Variants in NXN observed in about 807,000 individuals in gnomAD.
NXN encodes nucleoredoxin.
Under a neutral mutation model 48.6 loss-of-function variants are expected in NXN, and 16 were observed. The ratio of observed to expected loss-of-function variants is 0.33; its 90% CI spans 0.22 to 0.50. The LOEUF is 0.50. NXN is among the 20% of genes least tolerant of loss of function. The pLI, the probability that NXN is intolerant of heterozygous loss-of-function variation, is 0.98. For missense variants in NXN, 492 were observed against 605.5 expected (o/e 0.81, Z 1.97); for synonymous variants, 281 against 269.6 (o/e 1.04, Z -0.41).
intron 1 of NXN, among the ~76,000 whole-genome samples, chr17:829,312 T>C (rs546477277): frequency 3.3e-5 from 5 of 151,908 alleles, no homozygotes; most frequent in Admixed American, 1.3e-4. Context: ...TGCACCACCT[T>C]GCCGGCTAAT....
At position 958,275 on chromosome 17, in the gene NXN, C is replaced by T. The variant is rs536964956; in HGVS notation, c.360+21044G>A. Among the ~76,000 whole-genome samples, 29 of 152,272 alleles carry T rather than the reference C, an allele frequency of 1.9e-4. No homozygotes were observed. The highest frequency in any genetic ancestry group is 6.0e-4 in the African/African-American group (25 of 41,544). On this transcript the variant is annotated intron_variant, in intron 1 of 7. Transcript: ENST00000336868. The surrounding 1 kb of genome is among the most constrained non-coding windows in gnomAD (Gnocchi z 6.9). The stretch of plus-strand genomic sequence containing the variant: ...GGTGCCTCTGCCCAACAAGACATGA[C>T]GGTGAGCAAGGTTACTCATCTTCCG...
At position 962,089 on chromosome 17, in the gene NXN, G is replaced by A. The variant is rs144005311; in HGVS notation, c.360+17230C>T. On this transcript the variant is annotated intron_variant, in intron 1 of 7. Transcript: ENST00000336868. ...GGTGGAGCTGCAGTGAGCCGAGATC[G>A]CGCCACTGCACTCCAGCCTGGGCAA... Among the ~76,000 whole-genome samples, 112 of 152,182 alleles carry A rather than the reference G, an allele frequency of 7.4e-4. 1 individual carries two copies. In the East Asian group the frequency reaches 0.02, roughly 27 times the overall value.
At chr17:803,661 A>T in intron 7 of NXN, 21 bp downstream of exon 7, 1 of 1,614,000 alleles carries the variant, frequency 6.2e-7, no homozygotes, top group Non-Finnish European at 8.5e-7. Flanking sequence ...GCCCTGGGCC[A>T]AGCCTCTCCT....
chr17:963,108 C>T (rs918462458), intron 1 of NXN, among the ~76,000 whole-genome samples: 2 of 151,656 alleles, frequency 1.3e-5, no homozygotes, highest in Non-Finnish European at 2.9e-5. Context: ...AGCCTCTACC[C>T]ACCTGAGACA....
chr17:820,928 A>C lies in NXN; in HGVS notation c.714-1383T>G, dbSNP rs530317814. 1.9e-4 allele frequency among the ~76,000 whole-genome samples: 13 copies of C among 68,632 alleles called. 5 individuals carry two copies. The East Asian group carries it at 4.7e-3, about 25-fold the overall frequency. The allele number at this position is 68,632 out of a possible 152,430, so 45.0% of individuals were successfully genotyped here. The stretch of plus-strand genomic sequence containing the variant: ...AACAGAGCGAGACTCCACCTAAAAA[A>C]AAAAAAAAAAACAAAAAAAAAAACT... On this transcript the variant is annotated intron_variant, in intron 4 of 7. Coordinates refer to ENST00000336868, the MANE Select transcript of NXN (RefSeq NM_022463.5).
chr17:810,062 CCTGTGAGTG>C (rs1911854255), intron 5 of NXN, among the ~76,000 whole-genome samples: 1 of 73,126 alleles, frequency 1.4e-5, no homozygotes, highest in Non-Finnish European at 2.7e-5. Context: ...GTTACGAGTC[CCTGTGAGTG>C]GCGTGCACGT....
chr17:955,213 G>A (rs1459018666), intron 1 of NXN, among the ~76,000 whole-genome samples: 1 of 149,250 alleles, frequency 6.7e-6, no homozygotes, highest in Non-Finnish European at 1.5e-5. Flanking sequence ...TGTCACCCAG[G>A]CTGGAGTGCA....
intron 1 of NXN, among the ~76,000 whole-genome samples, chr17:935,479 T>C (rs559114875): frequency 2.0e-5 from 3 of 152,232 alleles, no homozygotes; most frequent in Admixed American, 2.0e-4. Context: ...AGGAGATGCT[T>C]AAAGGTCTGG....
At chr17:890,566 G>C (rs2068405580) in intron 1 of NXN, among the ~76,000 whole-genome samples, 1 of 147,692 alleles carries the variant, frequency 6.8e-6, no homozygotes, top group Non-Finnish European at 1.5e-5. Flanking sequence ...TTTTTTAGTA[G>C]AGATGGGGTT....
rs981481694 is a variant in NXN at position 917,227 on chromosome 17, C to T, written c.360+62092G>A. ...CGCGACCTCGGCTCGCCGTGGCCTC[C>T]GCCTCGCGGGTTCAAGCGATTCTCC... On this transcript the variant is annotated intron_variant, in intron 1 of 7. Transcript: ENST00000336868. This position sits in a 1 kb window ranked among gnomAD's most constrained non-coding sequence, Gnocchi z 4.5. Among the ~76,000 whole-genome samples the T allele has an allele frequency of 5.9e-5, 9 of 152,106 alleles. No homozygotes were observed. Among genetic ancestry groups the T allele is most frequent in the Non-Finnish European group, 1.2e-4 (8 of 68,010 alleles).
At chr17:945,917 A>ACTGGGTTAGG (rs2069038218) in intron 1 of NXN, among the ~76,000 whole-genome samples, 1 of 143,554 alleles carries the variant, frequency 7.0e-6, no homozygotes, top group Non-Finnish European at 1.5e-5. Flanking sequence ...CTGCCAGCAA[A>ACTGGGTTAGG]CCACAGGCTG....
chr17:957,799 T>C (rs1597276245), intron 1 of NXN, among the ~76,000 whole-genome samples: 1 of 151,992 alleles, frequency 6.6e-6, no homozygotes, highest in South Asian at 2.1e-4. Flanking sequence ...GAACCCAGAC[T>C]CTCTTTCTCA....
rs552354458 is a variant in NXN, at chr17:858,600, C to A, written c.361-32522G>T. Among the ~76,000 whole-genome samples the A allele has an allele frequency of 2.6e-5, 4 of 151,996 alleles. No individual in the cohort carries two copies. The South Asian group carries it at 8.3e-4, about 32-fold the overall frequency. On this transcript the variant is annotated intron_variant, in intron 1 of 7. Transcript: ENST00000336868. The stretch of plus-strand genomic sequence containing the variant: ...AAAATTAGCCTGGCATGGTGGCGGG[C>A]GCCTGTAGTCCCAGCTGCTGGGGAG...
chr17:836,118 G>A (rs1913812284), intron 1 of NXN, among the ~76,000 whole-genome samples: 1 of 138,470 alleles, frequency 7.2e-6, no homozygotes, highest in African/African-American at 2.8e-5. Flanking sequence ...CCCCACAGAG[G>A]CCGCAGGGGA....
At position 932,241 on chromosome 17, in the gene NXN, T is replaced by C. The variant is rs2068862615; in HGVS notation, c.360+47078A>G. Among the ~76,000 whole-genome samples, 3 of 152,238 alleles carry C rather than the reference T, an allele frequency of 2.0e-5. No homozygotes were observed. The highest frequency in any genetic ancestry group is 1.5e-5 in the Non-Finnish European group (1 of 68,050). On this transcript the variant is annotated intron_variant, in intron 1 of 7. Transcript: ENST00000336868. This position sits in a 1 kb window ranked among gnomAD's most constrained non-coding sequence, Gnocchi z 4.1. ...AGCTGATCTGAAGAGTCTGTCTACC[T>C]GCCCAGCTACCAACCCAAACCGGCC...
intron 1 of NXN, among the ~76,000 whole-genome samples, chr17:937,740 T>C (rs2068922698): frequency 6.6e-6 from 1 of 152,164 alleles, no homozygotes; most frequent in African/African-American, 2.4e-5. Flanking sequence ...GGTCACGCTG[T>C]CACGGGGACG....
At chr17:973,146 G>A (rs566663348) in intron 1 of NXN, among the ~76,000 whole-genome samples, 10 of 152,284 alleles carry the variant, frequency 6.6e-5, no homozygotes, top group African/African-American at 2.4e-4. Flanking sequence ...AGCAAGAGCT[G>A]TGGACGGCTA....
At chr17:858,265 C>T (rs1449161884) in intron 1 of NXN, among the ~76,000 whole-genome samples, 2 of 152,100 alleles carry the variant, frequency 1.3e-5, no homozygotes, top group African/African-American at 2.4e-5. Flanking sequence ...GGGATCCACC[C>T]GCCTTGGCCT....
At chr17:853,718 TA>T (rs1172115424) in intron 1 of NXN, among the ~76,000 whole-genome samples, 76 of 96,958 alleles carry the variant, frequency 7.8e-4, no homozygotes, top group South Asian at 3.7e-3. Context: ...TATATATATA[TA>T]TATATTTTTT....
Sources: gnomAD v4.1 joint callset for allele counts (sites outside exome capture counted in the v4.1 genomes callset) on GRCh38, gnomAD v4.1.1 for gene constraint, Gnocchi (gnomAD v3.1) non-coding constraint, MANE v1.5 for transcripts, NCBI Gene and HGNC (gene_info 2026-07-23, HGNC 2026-07-21) for gene names.